The following DTNA variants were observed in gnomAD, a reference collection of about 807,000 sequenced individuals.
The protein encoded by DTNA is dystrobrevin alpha.
DTNA carries 43 observed loss-of-function variants against 100.7 expected under a neutral mutation model. That is an observed-to-expected ratio of 0.43 (90% CI 0.33 to 0.55). The LOEUF is 0.55. Ranked by LOEUF, DTNA falls within the 20% of genes least tolerant of loss-of-function variation. The pLI, the probability that DTNA is intolerant of heterozygous loss-of-function variation, is 0.04. For missense variants in DTNA, 798 were observed against 953.9 expected, an observed-to-expected ratio of 0.84 and a Z score of 2.15; for synonymous variants, 349 against 347.9, an observed-to-expected ratio of 1.00 and a Z score of -0.04.
intron 3 of DTNA, among the ~76,000 whole-genome samples, chr18:34,782,953 G>T (rs533454595): frequency 6.6e-6 from 1 of 152,314 alleles, no homozygotes; most frequent in East Asian, 1.9e-4. Context: ...GCACTAGAAT[G>T]TAGGGAATGA....
chr18:34,520,306 C>T (rs1047098699), intron 1 of DTNA, among the ~76,000 whole-genome samples: 4 of 152,122 alleles, frequency 2.6e-5, no homozygotes, highest in African/African-American at 9.7e-5. Flanking sequence ...GGGATGGATC[C>T]TTGAAGATTG....
chr18:34,560,367 T>C (rs534015887), intron 1 of DTNA, among the ~76,000 whole-genome samples: 1 of 152,322 alleles, frequency 6.6e-6, no homozygotes, highest in South Asian at 2.1e-4. Flanking sequence ...AAATATATTA[T>C]TTAACCAAAT....
chr18:34,868,592 A>C (rs1309386712), intron 17 of DTNA: 1 of 985,324 alleles, frequency 1.0e-6, no homozygotes, highest in African/African-American at 1.7e-5. Flanking sequence ...ATTGTGCTGG[A>C]TTTAATAACC....
intron 4 of DTNA, among the ~76,000 whole-genome samples, chr18:34,804,480 A>G (rs1431863889): frequency 1.3e-5 from 2 of 152,184 alleles, no homozygotes; most frequent in African/African-American, 4.8e-5. Flanking sequence ...AAAAGAAGGG[A>G]ATGGATTCAA....
chr18:34,834,276 G>A (rs149820595), intron 11 of DTNA, among the ~76,000 whole-genome samples: 31 of 151,886 alleles, frequency 2.0e-4, no homozygotes, highest in African/African-American at 6.3e-4. Flanking sequence ...CAGGTAGATC[G>A]CCTGAGGTCA....
intron 1 of DTNA, among the ~76,000 whole-genome samples, chr18:34,604,705 G>A (rs1402951683): frequency 6.6e-6 from 1 of 152,126 alleles, no homozygotes; most frequent in Non-Finnish European, 1.5e-5. Context: ...TAGATTTACA[G>A]TACTACCGTT....
At chr18:34,645,633 G>A (rs1442075428) in intron 1 of DTNA, among the ~76,000 whole-genome samples, 2 of 152,118 alleles carry the variant, frequency 1.3e-5, no homozygotes, top group African/African-American at 4.8e-5. Flanking sequence ...CTCACAGGTG[G>A]ATGAAATGGA....
intron 9 of DTNA, 144 bp from the exon 10 acceptor site, chr18:34,827,449 T>C: frequency 1.3e-6 from 1 of 767,722 alleles, no homozygotes; most frequent in South Asian, 1.5e-5. Context: ...AGGAATTTAA[T>C]TGGAAAATAT....
chr18:34,778,927 C>G (rs1407990073), intron 3 of DTNA, among the ~76,000 whole-genome samples: 2 of 152,066 alleles, frequency 1.3e-5, no homozygotes, highest in Non-Finnish European at 2.9e-5. Context: ...ACACCATTCT[C>G]CTGCCTCAGC....
chr18:34,714,105 G>A (rs1020509442), intron 1 of DTNA, among the ~76,000 whole-genome samples: 5 of 152,072 alleles, frequency 3.3e-5, no homozygotes, highest in South Asian at 2.1e-4. Flanking sequence ...AGACTTAAAC[G>A]TTAGACCTAA....
intron 17 of DTNA, chr18:34,867,056 C>CATGTACCACGCTATGTATGACA (rs2096713424): frequency 1.6e-6 from 2 of 1,228,636 alleles, no homozygotes; most frequent in African/African-American, 3.1e-5. Context: ...ATTTCAAGTG[C>CATGTACCACGCTATGTATGACA]ATGTACCACG....
chr18:34,795,204 C>T (rs6507107), intron 4 of DTNA, among the ~76,000 whole-genome samples: 129,594 of 152,150 alleles, frequency 0.85, 55,571 homozygotes, highest in East Asian at 0.99. Context: ...TGGCCAATGC[C>T]TGGAAGTATT....
chr18:34,612,960 A>T (rs2054529743), intron 1 of DTNA, among the ~76,000 whole-genome samples: 1 of 152,138 alleles, frequency 6.6e-6, no homozygotes, highest in African/African-American at 2.4e-5. Context: ...AGGTCACTTT[A>T]TTTCCATTCA....
At chr18:34,523,228 T>G (rs560743778) in intron 1 of DTNA, among the ~76,000 whole-genome samples, 7 of 152,154 alleles carry the variant, frequency 4.6e-5, no homozygotes, top group Admixed American at 6.5e-5. Flanking sequence ...GAAAATATTA[T>G]TAGAATTTTT....
chr18:34,643,266 T>C (rs2059493228), intron 1 of DTNA, among the ~76,000 whole-genome samples: 1 of 152,222 alleles, frequency 6.6e-6, no homozygotes, highest in Admixed American at 6.5e-5. Context: ...GTAAAGCACA[T>C]ACCCAAATAT....
intron 2 of DTNA, among the ~76,000 whole-genome samples, chr18:34,765,308 T>A (rs755040959): frequency 6.6e-6 from 1 of 152,190 alleles, no homozygotes; most frequent in Non-Finnish European, 1.5e-5. Flanking sequence ...AAGGCATGTC[T>A]TCCTCTGAGA....
At chr18:34,770,042 A>C (rs1178997934) in intron 3 of DTNA, among the ~76,000 whole-genome samples, 2 of 151,996 alleles carry the variant, frequency 1.3e-5, no homozygotes, top group Non-Finnish European at 2.9e-5. Context: ...TTATAAGGGC[A>C]CTAATCCCCA....
chr18:34,871,982 C>T (rs1252069388), intron 17 of DTNA, among the ~76,000 whole-genome samples: 1 of 152,228 alleles, frequency 6.6e-6, no homozygotes, highest in Non-Finnish European at 1.5e-5. Context: ...CATGAAATTG[C>T]ACCAATTAGA....
intron 1 of DTNA, among the ~76,000 whole-genome samples, chr18:34,531,083 C>T (rs2043098002): frequency 6.6e-6 from 1 of 152,092 alleles, no homozygotes; most frequent in Non-Finnish European, 1.5e-5. Flanking sequence ...TACACAGTCA[C>T]TTAGGTCAAG....
Sources: allele counts gnomAD v4.1 joint callset (sites outside exome capture counted in the v4.1 genomes callset), GRCh38; gene constraint gnomAD v4.1.1; transcripts MANE v1.5; gene names NCBI Gene and HGNC (gene_info 2026-07-23, HGNC 2026-07-21).